The following UPRT variants were observed in gnomAD, a reference collection of about 807,000 sequenced individuals.
UPRT encodes uracil phosphoribosyltransferase homolog.
UPRT carries 5 observed loss-of-function variants against 22.6 expected under a neutral mutation model. The ratio of observed to expected loss-of-function variants is 0.22; its 90% CI spans 0.12 to 0.47. The LOEUF (loss-of-function observed/expected upper bound fraction) is 0.47. Among genes scored for constraint, UPRT ranks in the 20% least tolerant of loss-of-function variants. UPRT has a pLI of 0.99. For synonymous variants in UPRT, 77 were observed against 87.7 expected (o/e 0.88, Z 0.68); for missense variants, 181 against 239.9 (o/e 0.75, Z 1.62).
chrX:75,232,297 G>A (rs892213870), intron 4 of UPRT, among the ~76,000 whole-genome samples: 60 of 112,673 alleles, frequency 5.3e-4, no homozygotes, highest in African/African-American at 1.9e-3. Flanking sequence ...CTATGCCCAC[G>A]GAGTCTTGCT....
At chrX:75,213,578 C>T (rs1277318127) in intron 4 of UPRT, among the ~76,000 whole-genome samples, 1 of 111,338 alleles carries the variant, frequency 9.0e-6, no homozygotes, top group Non-Finnish European at 1.9e-5. Flanking sequence ...ATGTTTTCTA[C>T]AAGGAATCCA....
chrX:75,291,058 C>T (rs898835801), intron 1 of UPRT, among the ~76,000 whole-genome samples: 1 of 111,738 alleles, frequency 8.9e-6, no homozygotes, highest in Non-Finnish European at 1.9e-5. Context: ...CTGCCTTTGG[C>T]GTTTGTCTTA....
intron 4 of UPRT, among the ~76,000 whole-genome samples, chrX:75,237,804 G>C (rs768306895): frequency 4.8e-5 from 3 of 62,567 alleles, no homozygotes; most frequent in African/African-American, 1.8e-4. Flanking sequence ...GTTGTGGGGT[G>C]GGGGGAGGGG....
intron 4 of UPRT, among the ~76,000 whole-genome samples, chrX:75,268,561 C>CCAT (rs2082597972): frequency 1.8e-5 from 2 of 111,383 alleles, no homozygotes; most frequent in African/African-American, 6.5e-5. Flanking sequence ...TTGTCTGTCA[C>CCAT]GATCAAGTTG....
At chrX:75,247,274 G>A (rs1485407257) in intron 4 of UPRT, among the ~76,000 whole-genome samples, 1 of 111,356 alleles carries the variant, frequency 9.0e-6, no homozygotes. Flanking sequence ...GCTGAAGCAC[G>A]GTGAAGCATT....
chrX:75,194,771 G>T (rs2082328048), intron 4 of UPRT, among the ~76,000 whole-genome samples: 1 of 111,292 alleles, frequency 9.0e-6, no homozygotes. Flanking sequence ...TAGGGCCAAG[G>T]TGCTGGCAGG....
intron 4 of UPRT, among the ~76,000 whole-genome samples, chrX:75,185,646 G>C (rs772057807): frequency 9.0e-6 from 1 of 111,689 alleles, no homozygotes; most frequent in South Asian, 3.8e-4. Context: ...GAATCCATCT[G>C]GTCCTGGACT....
At chrX:75,264,675 T>C (rs948277741) in intron 4 of UPRT, among the ~76,000 whole-genome samples, 7 of 111,854 alleles carry the variant, frequency 6.3e-5, no homozygotes, top group African/African-American at 2.3e-4. Flanking sequence ...AATTGCAACA[T>C]TTAGCCCATT....
intron 4 of UPRT, among the ~76,000 whole-genome samples, chrX:75,261,836 C>T (rs1250161990): frequency 9.0e-6 from 1 of 111,662 alleles, no homozygotes; most frequent in Non-Finnish European, 1.9e-5. Flanking sequence ...ATCAGGTGGG[C>T]TTCATCCCTG....
At chrX:75,213,915 A>G (rs1221174584) in intron 4 of UPRT, among the ~76,000 whole-genome samples, 1 of 112,138 alleles carries the variant, frequency 8.9e-6, no homozygotes, top group African/African-American at 3.2e-5. Context: ...TAATGGACAG[A>G]TTTGACAGGC....
intron 4 of UPRT, among the ~76,000 whole-genome samples, chrX:75,200,901 C>T (rs1173082038): frequency 8.9e-6 from 1 of 111,830 alleles, no homozygotes; most frequent in African/African-American, 3.3e-5. Flanking sequence ...GAGCTATGAT[C>T]ATTCCGCTGC....
chrX:75,205,230 C>T (rs981243311), intron 4 of UPRT, among the ~76,000 whole-genome samples: 20 of 107,934 alleles, frequency 1.9e-4, no homozygotes, highest in African/African-American at 6.7e-4. Context: ...ATTAGCCGGG[C>T]GCGGTGGCGG....
chrX:75,214,956 AACAC>A (rs56673150), intron 4 of UPRT, among the ~76,000 whole-genome samples: 123 of 99,011 alleles, frequency 1.2e-3, no homozygotes, highest in African/African-American at 2.9e-3. Flanking sequence ...AAGTATTCTC[AACAC>A]ACACACACAC....
chrX:75,212,980 T>C lies in UPRT; in HGVS notation c.-447+45101T>C, dbSNP rs180753172. ...TAAAATAAAAAATAAAGTAGTTGGCTAGGTTTACATTTTGCAATATAGACA... is the reference window on the plus strand; with the variant it reads ...TAAAATAAAAAATAAAGTAGTTGGCCAGGTTTACATTTTGCAATATAGACA... On this transcript the variant is annotated intron_variant, in intron 4 of 13. Transcript: ENST00000652605. Among the ~76,000 whole-genome samples the C allele has an allele frequency of 3.9e-3, 441 of 112,636 alleles. 5 individuals carry two copies. Among genetic ancestry groups the C allele is most frequent in the Non-Finnish European group, 7.1e-4 (38 of 53,360 alleles).
At chrX:75,272,336 A>G (rs1307304302), upstream of UPRT, among the ~76,000 whole-genome samples, 1 of 94,015 alleles carries the variant, frequency 1.1e-5, no homozygotes, top group African/African-American at 4.3e-5. Context: ...ATATGTATAT[A>G]TATATATACA....
intron 4 of UPRT, among the ~76,000 whole-genome samples, chrX:75,186,030 G>A (rs1478623064): frequency 9.0e-6 from 1 of 110,792 alleles, no homozygotes; most frequent in Non-Finnish European, 1.9e-5. Context: ...CTTCAGTTCT[G>A]CTCTGATTTT....
At chrX:75,160,001 C>T in intron 1 of UPRT, among the ~76,000 whole-genome samples, 1 of 110,108 alleles carries the variant, frequency 9.1e-6, no homozygotes, top group Admixed American at 9.7e-5. Context: ...ATCTCCTGAC[C>T]TCGTGATCCA....
exon 4 of UPRT, among the ~76,000 whole-genome samples, chrX:75,167,823 T>C (rs988065145): frequency 2.7e-5 from 3 of 110,421 alleles, no homozygotes; most frequent in Non-Finnish European, 5.7e-5. Flanking sequence ...TCACATATCC[T>C]GGACTGTGAC....
chrX:75,252,121 C>G (rs1366466753), intron 4 of UPRT, among the ~76,000 whole-genome samples: 3 of 111,804 alleles, frequency 2.7e-5, no homozygotes, highest in African/African-American at 9.8e-5. Flanking sequence ...AGAAGAAAAC[C>G]TAGGCAGTAC....
Sources: gnomAD v4.1 joint callset for allele counts (sites outside exome capture counted in the v4.1 genomes callset) on GRCh38, gnomAD v4.1.1 for gene constraint, MANE v1.5 for transcripts, NCBI Gene and HGNC (gene_info 2026-07-23, HGNC 2026-07-21) for gene names.